DSCAML1: variants seen among roughly 807,000 people sequenced by gnomAD.
DSCAML1 encodes DS cell adhesion molecule like 1.
Under a neutral mutation model 200.5 loss-of-function variants are expected in DSCAML1, and 38 were observed. The observed-to-expected ratio is 0.19, with a 90% CI of 0.15 to 0.25. DSCAML1 has a LOEUF of 0.25. Among genes scored for constraint, DSCAML1 ranks in the 10% least tolerant of loss-of-function variants. DSCAML1 has a pLI of 1.00. For missense variants in DSCAML1, 2,223 were observed against 2,858.8 expected (o/e 0.78, Z 5.07); for synonymous variants, 1,215 against 1,165.0 (o/e 1.04, Z -0.87).
At chr11:117,460,782 T>G (rs927394408) in intron 18 of DSCAML1, among the ~76,000 whole-genome samples, 1 of 152,164 alleles carries the variant, frequency 6.6e-6, no homozygotes, top group Non-Finnish European at 1.5e-5. Flanking sequence ...CGCACCTCTC[T>G]GCCCTTCTCT....
chr11:117,521,415 G>C lies in DSCAML1; in HGVS notation c.938-10C>G. On this transcript the variant is annotated splice_polypyrimidine_tract_variant and intron_variant, in intron 5 of 32. Transcript: ENST00000651296. ...GTCACATGAAGGGGATCTGGGCCGG[G>C]CCAGGGAGACGTGAGGGGAAATGGG... The C allele has an allele frequency of 1.2e-6, 2 of 1,608,754 alleles. No individual in the cohort carries two copies. The highest frequency in any genetic ancestry group is 1.7e-6 in the Non-Finnish European group (2 of 1,175,724).
At chr11:117,474,068 G>A (rs754271583) in intron 14 of DSCAML1, among the ~76,000 whole-genome samples, 10 of 152,208 alleles carry the variant, frequency 6.6e-5, no homozygotes, top group Non-Finnish European at 1.0e-4. Flanking sequence ...GGGGCGGTGT[G>A]TCTGGAGAAG....
At chr11:117,735,649 G>C (rs2054303722) in intron 3 of DSCAML1, among the ~76,000 whole-genome samples, 2 of 152,194 alleles carry the variant, frequency 1.3e-5, no homozygotes, top group South Asian at 4.1e-4. Context: ...GTGAGCCTGC[G>C]AGGACCTCAC....
chr11:117,794,681 G>A (rs529331118), intron 1 of DSCAML1, among the ~76,000 whole-genome samples: 3 of 151,890 alleles, frequency 2.0e-5, no homozygotes, highest in Admixed American at 6.6e-5. Flanking sequence ...GACTGGCAAC[G>A]GGAGAGAAAA....
chr11:117,485,676 G>A (rs570142428), intron 11 of DSCAML1, among the ~76,000 whole-genome samples: 5 of 152,364 alleles, frequency 3.3e-5, no homozygotes, highest in Non-Finnish European at 7.3e-5. Flanking sequence ...CAAGACAGGA[G>A]CTCTTTTTTA....
intron 3 of DSCAML1, among the ~76,000 whole-genome samples, chr11:117,570,225 G>T (rs2050826034): frequency 6.6e-6 from 1 of 152,116 alleles, no homozygotes; most frequent in African/African-American, 2.4e-5. Flanking sequence ...AGTTTTCGGG[G>T]TATCTCATGC....
At chr11:117,567,071 T>A (rs1182246916) in intron 3 of DSCAML1, among the ~76,000 whole-genome samples, 1 of 152,248 alleles carries the variant, frequency 6.6e-6, no homozygotes. Context: ...CAGCAGGATT[T>A]ATAGTCCTTT....
intron 18 of DSCAML1, among the ~76,000 whole-genome samples, chr11:117,459,369 G>A (rs1044791861): frequency 6.6e-6 from 1 of 152,212 alleles, no homozygotes; most frequent in African/African-American, 2.4e-5. Context: ...GACCTCCCTG[G>A]GCAGTTATCA....
intron 3 of DSCAML1, among the ~76,000 whole-genome samples, chr11:117,755,502 G>A (rs531539306): frequency 2.0e-5 from 3 of 152,202 alleles, no homozygotes; most frequent in Admixed American, 6.5e-5. Context: ...CCTGCCCCCC[G>A]TCTCCTCGGA....
chr11:117,677,215 C>A (rs183025719), intron 3 of DSCAML1, among the ~76,000 whole-genome samples: 2 of 152,138 alleles, frequency 1.3e-5, no homozygotes, highest in Non-Finnish European at 2.9e-5. Flanking sequence ...GAATCATAGG[C>A]GACAAGGACC....
chr11:117,521,014 G>T, intron 6 of DSCAML1, 116 bp downstream of exon 6: 1 of 1,371,982 alleles, frequency 7.3e-7, no homozygotes, highest in Non-Finnish European at 1.0e-6. Context: ...GCACCGGCCT[G>T]GTGTGTAGTG....
At chr11:117,677,024 A>G (rs1257388268) in intron 3 of DSCAML1, among the ~76,000 whole-genome samples, 1 of 152,206 alleles carries the variant, frequency 6.6e-6, no homozygotes, top group Non-Finnish European at 1.5e-5. Context: ...ACTTGGCTCA[A>G]TCATTTCATC....
At chr11:117,622,450 G>A (rs777844981) in intron 3 of DSCAML1, among the ~76,000 whole-genome samples, 1 of 152,172 alleles carries the variant, frequency 6.6e-6, no homozygotes, top group African/African-American at 2.4e-5. Flanking sequence ...ATGGTGGTGA[G>A]CCTATAAAGC....
intron 3 of DSCAML1, among the ~76,000 whole-genome samples, chr11:117,776,108 G>A (rs2055125118): frequency 6.6e-6 from 1 of 152,116 alleles, no homozygotes; most frequent in South Asian, 2.1e-4. Flanking sequence ...TCCTCTCTTG[G>A]GGCTTCTATA....
intron 3 of DSCAML1, among the ~76,000 whole-genome samples, chr11:117,739,418 T>C (rs1427167204): frequency 2.6e-5 from 4 of 152,234 alleles, no homozygotes; most frequent in Non-Finnish European, 5.9e-5. Flanking sequence ...GCCGATACTG[T>C]TGTGCACACA....
intron 3 of DSCAML1, among the ~76,000 whole-genome samples, chr11:117,620,510 A>C (rs1032788227): frequency 6.6e-6 from 1 of 152,172 alleles, no homozygotes; most frequent in African/African-American, 2.4e-5. Context: ...TTAACTCCAG[A>C]GGGGAGATTT....
At chr11:117,622,295 G>A (rs1443929364) in intron 3 of DSCAML1, among the ~76,000 whole-genome samples, 1 of 152,248 alleles carries the variant, frequency 6.6e-6, no homozygotes, top group Non-Finnish European at 1.5e-5. Flanking sequence ...CTGCTGTGGT[G>A]TAAGATGAAG....
At chr11:117,798,029 C>T (rs563125403), upstream of DSCAML1, among the ~76,000 whole-genome samples, 1 of 152,330 alleles carries the variant, frequency 6.6e-6, no homozygotes, top group African/African-American at 2.4e-5. Context: ...CTGGCTCAGG[C>T]ACTGGGGACT....
chr11:117,581,480 C>T (rs2051039016), intron 3 of DSCAML1, among the ~76,000 whole-genome samples: 1 of 152,188 alleles, frequency 6.6e-6, no homozygotes, highest in Non-Finnish European at 1.5e-5. Flanking sequence ...CAGCTCCTGG[C>T]AACCACTGAT....
Sources: allele counts gnomAD v4.1 joint callset (sites outside exome capture counted in the v4.1 genomes callset), GRCh38; gene constraint gnomAD v4.1.1; transcripts MANE v1.5; gene names NCBI Gene and HGNC (gene_info 2026-07-23, HGNC 2026-07-21).